The following TBCK variants were observed in gnomAD, a reference collection of about 807,000 sequenced individuals.
The protein encoded by TBCK is TBC domain-containing protein kinase-like protein.
TBCK carries 99 observed loss-of-function variants against 113.4 expected under a neutral mutation model. The observed-to-expected ratio is 0.87, with a 90% CI of 0.74 to 1.03. The LOEUF (loss-of-function observed/expected upper bound fraction) is 1.03, where lower values mean the gene tolerates loss of function less well. TBCK is among the 50% of genes least tolerant of loss of function. The probability of loss-of-function intolerance (pLI) is 0.00; values close to 1 mark genes in which losing one functional copy is unlikely to be tolerated. For missense variants in TBCK, 1,045 were observed against 1,061.3 expected, an observed-to-expected ratio of 0.98 and a Z score of 0.21; for synonymous variants, 369 against 370.8, an observed-to-expected ratio of 1.00 and a Z score of 0.05.
intron 23 of TBCK, among the ~76,000 whole-genome samples, chr4:106,156,477 A>C (rs1749137413): frequency 6.6e-6 from 1 of 152,160 alleles, no homozygotes; most frequent in Non-Finnish European, 1.5e-5. Flanking sequence ...AAGTTCCTCC[A>C]GGCAGGTCCA....
intron 23 of TBCK, among the ~76,000 whole-genome samples, chr4:106,127,653 A>ATG: frequency 6.6e-6 from 1 of 152,066 alleles, no homozygotes; most frequent in East Asian, 1.9e-4. Context: ...GGGTGTGTTC[A>ATG]TGTGTGTGTG....
At chr4:106,205,982 G>A (rs939240626) in intron 20 of TBCK, among the ~76,000 whole-genome samples, 1 of 151,890 alleles carries the variant, frequency 6.6e-6, no homozygotes, top group Non-Finnish European at 1.5e-5. Flanking sequence ...AGAAAAATAT[G>A]TTACTTTGGT....
chr4:106,201,691 A>G (rs1342013683), intron 20 of TBCK, among the ~76,000 whole-genome samples: 4 of 152,164 alleles, frequency 2.6e-5, no homozygotes, highest in Non-Finnish European at 5.9e-5. Flanking sequence ...AGAACCATCA[A>G]TAGGAAAAAC....
At chr4:106,129,409 C>T (rs534635728) in intron 23 of TBCK, among the ~76,000 whole-genome samples, 6 of 152,058 alleles carry the variant, frequency 3.9e-5, no homozygotes, top group Non-Finnish European at 7.4e-5. Flanking sequence ...TCTGTTCCTG[C>T]GTTAGTTTGC....
rs144847557 is a variant in TBCK, at chr4:106,066,849, A to T, written c.2572-20169T>A. ...GTTCATTCACTCTGCATCAAATATC[A>T]GAACTTCGTGTCTTTTTATGGCTGA... is the stretch of plus-strand genomic sequence containing the variant. On this transcript the variant is annotated intron_variant, in intron 25 of 25. Transcript: ENST00000394708. Among the ~76,000 whole-genome samples, 16 of 152,226 alleles carry T rather than the reference A, an allele frequency of 1.1e-4. No individual in the cohort carries two copies. The East Asian group carries it at 3.1e-3, about 29-fold the overall frequency.
intron 23 of TBCK, among the ~76,000 whole-genome samples, chr4:106,126,499 A>C (rs1217949869): frequency 6.6e-6 from 1 of 152,186 alleles, no homozygotes; most frequent in Non-Finnish European, 1.5e-5. Context: ...AAGTACCTCT[A>C]TTATAGTAAT....
chr4:106,092,537 CCCTGCCCTG>C (rs1740403557), intron 25 of TBCK, among the ~76,000 whole-genome samples: 2 of 152,230 alleles, frequency 1.3e-5, no homozygotes. Context: ...AGGTCCCGAG[CCCTGCCCTG>C]CGGGCAGGCA....
intron 23 of TBCK, among the ~76,000 whole-genome samples, chr4:106,129,857 T>G (rs756118027): frequency 2.6e-5 from 4 of 152,190 alleles, no homozygotes; most frequent in Non-Finnish European, 5.9e-5. Context: ...AAGAGGGACT[T>G]TCAATCCTCT....
chr4:106,196,797 C>T (rs1005065523), intron 20 of TBCK, among the ~76,000 whole-genome samples: 1 of 152,062 alleles, frequency 6.6e-6, no homozygotes, highest in Non-Finnish European at 1.5e-5. Flanking sequence ...TATTATTCAA[C>T]ATCTCTTTTA....
At chr4:106,171,861 T>C (rs1161578985) in intron 22 of TBCK, among the ~76,000 whole-genome samples, 1 of 152,084 alleles carries the variant, frequency 6.6e-6, no homozygotes, top group Non-Finnish European at 1.5e-5. Flanking sequence ...GATAGAGTCT[T>C]GTTCTGTCTC....
At chr4:106,316,467 C>A (rs1768889980), upstream of TBCK, 4 of 1,374,046 alleles carry the variant, frequency 2.9e-6, no homozygotes, top group Admixed American at 2.0e-5. Context: ...AGGGTTGAAT[C>A]TGTAGAACAC....
chr4:106,121,840 C>T (rs1490220196), intron 23 of TBCK, among the ~76,000 whole-genome samples: 4 of 151,872 alleles, frequency 2.6e-5, no homozygotes, highest in Non-Finnish European at 5.9e-5. Context: ...AACAAAGACA[C>T]AACATACCAG....
rs895826065 is a variant in TBCK, at chr4:106,260,539, C to T, written c.382-29G>A. 1.4e-5 allele frequency: 10 copies of T among 714,218 alleles called. No homozygotes were observed. The East Asian group carries it at 3.0e-4, about 21-fold the overall frequency. 44.2% of individuals were successfully genotyped at this position (714,218 alleles called of 1,614,324 possible). On this transcript the variant is annotated intron_variant, in intron 4 of 25. Coordinates refer to ENST00000394708, the MANE Select transcript of TBCK (RefSeq NM_001163435.3). Reference sequence around the variant, plus strand: ...TGATAATAAAGAAAAAAAACACTATCAAATAATTTATTATAATTGGCAACA... The same window carrying T: ...TGATAATAAAGAAAAAAAACACTATTAAATAATTTATTATAATTGGCAACA...
chr4:106,283,813 A>C (rs1764859784), intron 3 of TBCK, among the ~76,000 whole-genome samples: 1 of 152,152 alleles, frequency 6.6e-6, no homozygotes, highest in South Asian at 2.1e-4. Flanking sequence ...GAATGGACTG[A>C]TCTTCAAAAA....
chr4:106,160,140 G>T (rs1217460116), intron 23 of TBCK, among the ~76,000 whole-genome samples: 2 of 152,030 alleles, frequency 1.3e-5, no homozygotes, highest in East Asian at 3.9e-4. Context: ...ATAAATCAAA[G>T]ACTTAAATGT....
chr4:106,200,281 C>T (rs1330104377), intron 20 of TBCK, among the ~76,000 whole-genome samples: 1 of 152,168 alleles, frequency 6.6e-6, no homozygotes, highest in East Asian at 1.9e-4. Context: ...TGGCTCATTC[C>T]CACAATCTCA....
chr4:106,205,391 A>G (rs77199281), intron 20 of TBCK, among the ~76,000 whole-genome samples: 1 of 152,044 alleles, frequency 6.6e-6, no homozygotes, highest in Non-Finnish European at 1.5e-5. Flanking sequence ...GGATTTTAGT[A>G]TAACAGAGTA....
rs1171152284 is a variant in TBCK, at chr4:106,057,505, CTCTATCATAA to C, written c.2572-10835_2572-10826del. Among the ~76,000 whole-genome samples, 7 of 151,720 alleles carry C rather than the reference CTCTATCATAA, an allele frequency of 4.6e-5. No homozygotes were observed. In the East Asian group the frequency reaches 1.4e-3, roughly 29 times the overall value. Reference sequence around the variant, plus strand: ...ACTCTTTAACATAGCACTCAAGGTCCTCTATCATAATCAGATTCTCCGTACCTTTCCAGCT... The same window carrying C: ...ACTCTTTAACATAGCACTCAAGGTCCTCAGATTCTCCGTACCTTTCCAGCT... On this transcript the variant is annotated intron_variant, in intron 25 of 25. Transcript: ENST00000394708.
chr4:106,073,631 C>T (rs564283733), intron 25 of TBCK, among the ~76,000 whole-genome samples: 106 of 152,252 alleles, frequency 7.0e-4, no homozygotes, highest in African/African-American at 2.3e-3. Flanking sequence ...GCTGGGAGAA[C>T]GACTGCTCTC....
Sources: allele counts gnomAD v4.1 joint callset (sites outside exome capture counted in the v4.1 genomes callset), GRCh38; gene constraint gnomAD v4.1.1; transcripts MANE v1.5; gene names NCBI Gene and HGNC (gene_info 2026-07-23, HGNC 2026-07-21).